Variants in FAT3 observed in about 807,000 individuals in gnomAD.
FAT3 encodes the protein protocadherin Fat 3.
A neutral mutation model predicts 310.2 loss-of-function variants in FAT3; 95 were observed. The ratio of observed to expected loss-of-function variants is 0.31; its 90% confidence interval spans 0.26 to 0.36. The LOEUF (loss-of-function observed/expected upper bound fraction) is 0.36, where lower values mean the gene tolerates loss of function less well. FAT3 is among the 10% of genes least tolerant of loss of function. The pLI is 1.00. For synonymous variants in FAT3, 2,314 were observed against 2,192.9 expected, an observed-to-expected ratio of 1.06 and a Z score of -1.54; for missense variants, 5,408 against 5,715.6, an observed-to-expected ratio of 0.95 and a Z score of 1.74.
chr11:92,749,965 A>T (rs1029360859), intron 4 of FAT3, among the ~76,000 whole-genome samples: 1 of 152,218 alleles, frequency 6.6e-6, no homozygotes, highest in African/African-American at 2.4e-5. Context: ...ACAGAAAATG[A>T]TAATATTTGT....
chr11:92,887,463 G>A lies in FAT3; in HGVS notation c.13051+350G>A, dbSNP rs996892075. ...TTCTTTCTTTTTTTATTTTACCAAT[G>A]ATCTCTTCCCTCTTCACTGTACATC... On this transcript the variant is annotated intron_variant, in intron 25 of 27. Transcript: ENST00000525166. Among the ~76,000 whole-genome samples the A allele has an allele frequency of 4.6e-5, 7 of 152,082 alleles. No homozygotes were observed. In the East Asian group the frequency reaches 9.6e-4, roughly 21 times the overall value.
At chr11:92,872,792 G>A (rs1375728550) in intron 22 of FAT3, among the ~76,000 whole-genome samples, 2 of 152,142 alleles carry the variant, frequency 1.3e-5, no homozygotes, top group African/African-American at 4.8e-5. Flanking sequence ...TATTTTACAA[G>A]GTCTAAAGGT....
chr11:92,412,752 C>CACACACATATATATATATATATATAT (rs1565296555), intron 2 of FAT3, among the ~76,000 whole-genome samples: 3 of 24,292 alleles, frequency 1.2e-4, no homozygotes, highest in East Asian at 1.6e-3. Context: ...TATAAATATA[C>CACACACATATATATATATATATATAT]ATACATATAT....
At chr11:92,549,223 G>A (rs1267182255) in intron 3 of FAT3, among the ~76,000 whole-genome samples, 2 of 151,956 alleles carry the variant, frequency 1.3e-5, no homozygotes, top group Non-Finnish European at 2.9e-5. Flanking sequence ...TTCTTGTCCT[G>A]GATAGTATCC....
At chr11:92,267,741 C>T (rs557953023) in intron 1 of FAT3, among the ~76,000 whole-genome samples, 2 of 152,202 alleles carry the variant, frequency 1.3e-5, no homozygotes, top group Admixed American at 6.5e-5. Context: ...CTGTTCTCAT[C>T]GGAAGTTATT....
intron 2 of FAT3, among the ~76,000 whole-genome samples, chr11:92,411,159 A>ATG: frequency 7.0e-6 from 1 of 143,164 alleles, no homozygotes; most frequent in Admixed American, 7.2e-5. Flanking sequence ...TTATATATAT[A>ATG]TAATATATAT....
chr11:92,256,628 G>T (rs2134292512), intron 1 of FAT3, among the ~76,000 whole-genome samples: 1 of 152,190 alleles, frequency 6.6e-6, no homozygotes, highest in South Asian at 2.1e-4. Flanking sequence ...GAGATTCTTT[G>T]AAGCTTAATC....
chr11:92,695,571 A>G (rs1472006536), intron 3 of FAT3, among the ~76,000 whole-genome samples: 1 of 152,120 alleles, frequency 6.6e-6, no homozygotes, highest in Non-Finnish European at 1.5e-5. Flanking sequence ...ATACCCTCCT[A>G]AACAAACACA....
chr11:92,743,572 AG>A (rs1450159548), intron 4 of FAT3, among the ~76,000 whole-genome samples: 3 of 152,206 alleles, frequency 2.0e-5, no homozygotes, highest in South Asian at 4.1e-4. Context: ...AATGGGCCCC[AG>A]GGCACTGAAT....
intron 1 of FAT3, among the ~76,000 whole-genome samples, chr11:92,330,346 TTGTC>T (rs1947882630): frequency 6.6e-6 from 1 of 152,238 alleles, no homozygotes; most frequent in Non-Finnish European, 1.5e-5. Flanking sequence ...TCCTAACAGT[TTGTC>T]TGCCTGTTGG....
rs748441406 is a variant in FAT3, at chr11:92,867,192, C to G, written c.12110C>G (p.Thr4037Ser). 1 of 1,580,660 alleles carries G rather than the reference C, an allele frequency of 6.3e-7. No individual in the cohort carries two copies. The change falls in exon 22 of 28, where the codon ACT becomes AGT. Residue 4037 changes from threonine (T) to serine (S), a missense_variant. Physicochemically the swap from Thr to Ser is moderately conservative, Grantham distance 58 (BLOSUM62 1). Transcript: ENST00000525166. The stretch of plus-strand genomic sequence containing the variant: ...CCGTGCCAGCACGGGGGCAGCTGCA[C>G]TGGCCTGCCATCGGGGGGTGAGTGT... ...RSPCQHGGSC[T>S]GLPSGGYQCT...
chr11:92,516,524 C>T (rs757918078), intron 2 of FAT3, among the ~76,000 whole-genome samples: 18 of 152,112 alleles, frequency 1.2e-4, no homozygotes, highest in Non-Finnish European at 2.2e-4. Context: ...AAGCCCATAG[C>T]CAATATCATA....
intron 1 of FAT3, among the ~76,000 whole-genome samples, chr11:92,311,163 A>C (rs1947295194): frequency 6.6e-6 from 1 of 152,054 alleles, no homozygotes; most frequent in Non-Finnish European, 1.5e-5. Context: ...GTTGATTGTT[A>C]TCTCTCGGAA....
At chr11:92,527,784 A>G (rs1053687067) in intron 3 of FAT3, among the ~76,000 whole-genome samples, 3 of 152,188 alleles carry the variant, frequency 2.0e-5, no homozygotes, top group Admixed American at 6.5e-5. Flanking sequence ...AACATTTTTC[A>G]GTAATGAAGC....
rs573649911 is a variant in FAT3, at chr11:92,471,914, GCT to G, written c.3293-52719_3293-52718del. Among the ~76,000 whole-genome samples the G allele has an allele frequency of 2.3e-3, 147 of 62,920 alleles. 1 individual carries two copies. Among genetic ancestry groups the G allele is most frequent in the African/African-American group, 6.0e-3 (126 of 20,898 alleles). The allele number at this position is 62,920 out of a possible 152,430, so 41.3% of individuals were successfully genotyped here. Reference sequence around the variant, plus strand: ...CTTCAAAAGACCCTACTTTTCATATGCTATATATATATATATATATATATATA... The same window carrying G: ...CTTCAAAAGACCCTACTTTTCATATGATATATATATATATATATATATATA... On this transcript the variant is annotated intron_variant, in intron 2 of 27. Coordinates refer to ENST00000525166, the MANE Select transcript of FAT3 (RefSeq NM_001367949.2).
chr11:92,878,532 G>GA (rs59477374), intron 22 of FAT3, among the ~76,000 whole-genome samples: 7,703 of 148,304 alleles, frequency 0.052, 665 homozygotes, highest in African/African-American at 0.18. Context: ...AAGCAACTTG[G>GA]AAAAAACTGC....
chr11:92,672,140 A>G (rs1043157518), intron 3 of FAT3, among the ~76,000 whole-genome samples: 6 of 152,098 alleles, frequency 3.9e-5, no homozygotes, highest in Admixed American at 6.5e-5. Flanking sequence ...ATAAATAAAT[A>G]TTTTTTAAAT....
intron 1 of FAT3, among the ~76,000 whole-genome samples, chr11:92,324,827 A>T (rs1258702625): frequency 6.6e-6 from 1 of 152,190 alleles, no homozygotes; most frequent in African/African-American, 2.4e-5. Context: ...CATCTAATCT[A>T]TTTCATGACT....
At chr11:92,420,482 C>T (rs1950513591) in intron 2 of FAT3, among the ~76,000 whole-genome samples, 1 of 152,124 alleles carries the variant, frequency 6.6e-6, no homozygotes, top group Non-Finnish European at 1.5e-5. Flanking sequence ...TCCCACTCAA[C>T]TTAGTATCGA....
Sources: allele counts gnomAD v4.1 joint callset (sites outside exome capture counted in the v4.1 genomes callset), GRCh38; gene constraint gnomAD v4.1.1; transcripts MANE v1.5; gene names NCBI Gene and HGNC (gene_info 2026-07-23, HGNC 2026-07-21).